Variants in GOLGA1 observed in about 807,000 individuals in gnomAD.
GOLGA1 encodes golgin subfamily A member 1.
Under a neutral mutation model 119.7 loss-of-function variants are expected in GOLGA1, and 63 were observed. That is an observed-to-expected ratio of 0.53 (90% CI 0.43 to 0.65). GOLGA1 has a LOEUF of 0.65. Among genes scored for constraint, GOLGA1 ranks in the 30% least tolerant of loss-of-function variants. The pLI, the probability that GOLGA1 is intolerant of heterozygous loss-of-function variation, is 0.00. For missense variants in GOLGA1, 798 were observed against 912.8 expected (o/e 0.87, Z 1.62); for synonymous variants, 318 against 333.4 (o/e 0.95, Z 0.50).
intron 2 of GOLGA1, among the ~76,000 whole-genome samples, chr9:124,939,167 G>A (rs1354457307): frequency 6.6e-6 from 1 of 151,750 alleles, no homozygotes; most frequent in Non-Finnish European, 1.5e-5. Context: ...TTACATGTTG[G>A]CTATGACATA....
chr9:124,885,645 T>C (rs1178859661), intron 19 of GOLGA1, among the ~76,000 whole-genome samples: 1 of 151,900 alleles, frequency 6.6e-6, no homozygotes, highest in Non-Finnish European at 1.5e-5. Flanking sequence ...GAAAGGCACT[T>C]CCAAACGGAA....
rs78753336 is a variant in GOLGA1, at chr9:124,886,890, C to T, written c.1905+1363G>A. 6.1e-3 allele frequency among the ~76,000 whole-genome samples: 921 copies of T among 151,794 alleles called. 1 individual carries two copies. Among genetic ancestry groups the T allele is most frequent in the Non-Finnish European group, 0.011 (732 of 67,904 alleles). Reference sequence around the variant, plus strand: ...AGGGGCAGAGGGGCGTGAAGGCCCACGGATGAGGTGGGGTTGCGGGGAACA... The same window carrying T: ...AGGGGCAGAGGGGCGTGAAGGCCCATGGATGAGGTGGGGTTGCGGGGAACA... On this transcript the variant is annotated intron_variant, in intron 19 of 22. Transcript: ENST00000373555.
intron 15 of GOLGA1, among the ~76,000 whole-genome samples, chr9:124,891,282 G>A (rs1277922183): frequency 6.6e-6 from 1 of 152,256 alleles, no homozygotes; most frequent in African/African-American, 2.4e-5. Context: ...GCAGCTTGCA[G>A]AAGCCACCAG....
At chr9:124,929,445 T>C (rs1830734475) in intron 4 of GOLGA1, among the ~76,000 whole-genome samples, 155 bp from the exon 5 acceptor site, 1 of 152,182 alleles carries the variant, frequency 6.6e-6, no homozygotes, top group Non-Finnish European at 1.5e-5. Flanking sequence ...CCATTAACAA[T>C]GAACAACACA....
At chr9:124,938,317 T>C (rs956792617) in intron 3 of GOLGA1, among the ~76,000 whole-genome samples, 2 of 152,004 alleles carry the variant, frequency 1.3e-5, no homozygotes, top group African/African-American at 4.8e-5. Flanking sequence ...ATAAGGTATA[T>C]AGACGGAAAA....
chr9:124,898,191 C>T (rs1830019490), intron 15 of GOLGA1, among the ~76,000 whole-genome samples: 1 of 152,128 alleles, frequency 6.6e-6, no homozygotes, highest in Non-Finnish European at 1.5e-5. Flanking sequence ...TCAGCAAGAG[C>T]AGTGTTTTGA....
chr9:124,909,462 G>T (rs1191394872), intron 11 of GOLGA1, among the ~76,000 whole-genome samples: 2 of 151,870 alleles, frequency 1.3e-5, no homozygotes, highest in African/African-American at 4.8e-5. Flanking sequence ...AAAAAAATTA[G>T]CTGGATGTGG....
At chr9:124,912,668 G>A (rs1192678566) in intron 10 of GOLGA1, among the ~76,000 whole-genome samples, 2 of 151,960 alleles carry the variant, frequency 1.3e-5, no homozygotes, top group Non-Finnish European at 2.9e-5. Flanking sequence ...TCAGCCTCCC[G>A]AGTAGCTGGG....
Position 124,889,257 on chromosome 9 carries a change from C to T in GOLGA1, c.1647G>A (p.Leu549=). 6.2e-7 allele frequency: 1 copy of T among 1,613,924 alleles called. No homozygotes were observed. The highest frequency in any genetic ancestry group is 1.1e-5 in the South Asian group (1 of 91,072). ...LLQIHQLQAE[L]EALRTLKAEE... ...CCGCCTTGAGGGTCCTCAGGGCCTC[C>T]AGCTCGGCCTGCAGCTGGTGTATCT... The change falls in exon 18 of 23, where the codon CTG becomes CTA. Residue 549 remains leucine (L), a synonymous_variant. Coordinates refer to ENST00000373555, the MANE Select transcript of GOLGA1 (RefSeq NM_002077.4).
rs1831009250 is a variant in GOLGA1 at position 124,941,065 on chromosome 9, C to G, written c.-300G>C. On this transcript the variant is annotated 5_prime_UTR_variant, in exon 1 of 23. Transcript: ENST00000373555. ...AACCCCCACCGCCCAGCCGGCGAGCCGAGCAGCGACCCGGAACCGCACGTC... is the reference window on the plus strand; with the variant it reads ...AACCCCCACCGCCCAGCCGGCGAGCGGAGCAGCGACCCGGAACCGCACGTC... 1 of 152,312 alleles carries G rather than the reference C, an allele frequency of 6.6e-6. No individual in the cohort carries two copies. Among genetic ancestry groups the G allele is most frequent in the African/African-American group, 2.4e-5 (1 of 41,476 alleles). The allele number at this position is 152,312 out of a possible 1,614,324, so 9.4% of individuals were successfully genotyped here. A position where few individuals can be genotyped will look rare whatever the true frequency, so the allele number is the denominator to read the frequency against.
chr9:124,902,266 C>A (rs1043540234), intron 12 of GOLGA1, among the ~76,000 whole-genome samples: 3 of 151,890 alleles, frequency 2.0e-5, no homozygotes, highest in African/African-American at 7.3e-5. Flanking sequence ...CAACTGCCAC[C>A]ATACCCAGCT....
intron 4 of GOLGA1, among the ~76,000 whole-genome samples, chr9:124,929,531 T>C (rs998516399): frequency 6.6e-6 from 1 of 152,194 alleles, no homozygotes; most frequent in East Asian, 1.9e-4. Flanking sequence ...TTAGCCTTGA[T>C]AGAAAAACAA....
At chr9:124,880,735 G>A in intron 22 of GOLGA1, 125 bp from the exon 23 acceptor site, 2 of 669,770 alleles carry the variant, frequency 3.0e-6, no homozygotes, top group East Asian at 2.8e-5. Flanking sequence ...CTCTGGCTCT[G>A]AGCAGAGCAA....
In GOLGA1 at chr9:124,888,534, T is replaced by TGG. The variant is rs1829778427; in HGVS notation, c.1762-139_1762-138insCC. The TGG allele has an allele frequency of 4.2e-6, 3 of 715,008 alleles. No individual in the cohort carries two copies. The highest frequency in any genetic ancestry group is 7.2e-6 in the Non-Finnish European group (3 of 416,268). The allele number at this position is 715,008 out of a possible 1,614,324, so 44.3% of individuals were successfully genotyped here. A position where few individuals can be genotyped will look rare whatever the true frequency, so the allele number is the denominator to read the frequency against. On this transcript the variant is annotated intron_variant, in intron 18 of 22. Transcript: ENST00000373555. The surrounding 1 kb of genome is among the most constrained non-coding windows in gnomAD (Gnocchi z 4.4). ...AACAGGCAACTGGCCAGGAAGCAAT[T>TGG]CCTGGAGAAGATCCAATGCCCAATG...
intron 5 of GOLGA1, among the ~76,000 whole-genome samples, chr9:124,928,996 T>A (rs912685304): frequency 2.6e-5 from 4 of 152,164 alleles, no homozygotes; most frequent in Non-Finnish European, 5.9e-5. Flanking sequence ...CTGATACACA[T>A]AATGACCTAC....
intron 16 of GOLGA1, 125 bp from the exon 17 acceptor site, chr9:124,889,661 C>A: frequency 1.4e-6 from 1 of 740,476 alleles, no homozygotes; most frequent in Admixed American, 1.9e-5. Context: ...CGACCCAGAG[C>A]AAACCCCCAG....
intron 10 of GOLGA1, among the ~76,000 whole-genome samples, chr9:124,920,291 T>TA (rs1243890002): frequency 6.9e-6 from 1 of 144,472 alleles, no homozygotes; most frequent in African/African-American, 2.5e-5. Flanking sequence ...GGCTAATTTT[T>TA]TTTTTTTTTT....
intron 14 of GOLGA1, among the ~76,000 whole-genome samples, chr9:124,899,087 T>C (rs1830042386): frequency 6.6e-6 from 1 of 152,138 alleles, no homozygotes; most frequent in South Asian, 2.1e-4. Context: ...TCCCAGCTAC[T>C]TGGGAGGCTG....
chr9:124,931,160 A>G (rs922712637), intron 4 of GOLGA1, among the ~76,000 whole-genome samples, 156 bp downstream of exon 4: 1 of 152,214 alleles, frequency 6.6e-6, no homozygotes, highest in Non-Finnish European at 1.5e-5. Flanking sequence ...TATTTACTAC[A>G]CTAACAAAAG....
Sources: gnomAD v4.1 joint callset for allele counts (sites outside exome capture counted in the v4.1 genomes callset) on GRCh38, gnomAD v4.1.1 for gene constraint, Gnocchi (gnomAD v3.1) non-coding constraint, MANE v1.5 for transcripts, NCBI Gene and HGNC (gene_info 2026-07-23, HGNC 2026-07-21) for gene names.